Variants in DLC1 observed in about 807,000 individuals in gnomAD.
DLC1 encodes the protein rho GTPase-activating protein 7.
A neutral mutation model predicts 140.3 loss-of-function variants in DLC1; 54 were observed. The observed-to-expected ratio is 0.38, with a 90% confidence interval of 0.31 to 0.48. The LOEUF (loss-of-function observed/expected upper bound fraction) is 0.48, where lower values mean the gene tolerates loss of function less well. DLC1 is among the 20% of genes least tolerant of loss of function. The pLI is 0.96. For synonymous variants in DLC1, 986 were observed against 728.1 expected (o/e 1.35, Z -5.70); for missense variants, 2,536 against 1,907.0 (o/e 1.33, Z -6.14).
chr8:13,500,459 A>G, intron 1 of DLC1, among the ~76,000 whole-genome samples: 1 of 152,240 alleles, frequency 6.6e-6, no homozygotes, highest in Non-Finnish European at 1.5e-5. Context: ...GAATAAAGAT[A>G]CAAATACTGA....
chr8:13,279,040 A>G (rs1831271617), intron 5 of DLC1, among the ~76,000 whole-genome samples: 1 of 152,252 alleles, frequency 6.6e-6, no homozygotes, highest in South Asian at 2.1e-4. Context: ...TAATGACCAT[A>G]GTAACGACAG....
intron 2 of DLC1, among the ~76,000 whole-genome samples, chr8:13,438,794 C>A (rs1272256486): frequency 6.6e-6 from 1 of 152,162 alleles, no homozygotes; most frequent in Non-Finnish European, 1.5e-5. Context: ...CGCCTCCTTT[C>A]CATGATTACT....
chr8:13,193,605 C>T (rs750333949), intron 5 of DLC1, among the ~76,000 whole-genome samples: 1 of 152,034 alleles, frequency 6.6e-6, no homozygotes, highest in Non-Finnish European at 1.5e-5. Context: ...TGGTTGTTGC[C>T]TTCTGTTTTT....
intron 1 of DLC1, among the ~76,000 whole-genome samples, chr8:13,560,094 A>T (rs1804185866): frequency 6.6e-6 from 1 of 152,204 alleles, no homozygotes; most frequent in African/African-American, 2.4e-5. Context: ...ATTTAACATT[A>T]TTTGTTGTGA....
At chr8:13,151,271 C>T (rs10282996) in intron 5 of DLC1, among the ~76,000 whole-genome samples, 22,506 of 152,174 alleles carry the variant, frequency 0.15, 1,814 homozygotes, top group Non-Finnish European at 0.17. Flanking sequence ...ACACCAACAG[C>T]GAATTTTCAG....
rs748115915 is a variant in DLC1, at chr8:13,099,389, C to CTTTCCGGGATCTCGGAGGGCT, written c.2927_2947dup (p.Glu982_Arg983insLysProSerGluIleProGlu). 3.1e-6 allele frequency: 5 copies of CTTTCCGGGATCTCGGAGGGCT among 1,613,970 alleles called. No individual in the cohort carries two copies. The highest frequency in any genetic ancestry group is 3.3e-4 in the Middle Eastern group (2 of 6,084). ...GGAAGCCCCAACCCCAGAATCCCTT[C>CTTTCCGGGATCTCGGAGGGCT]TTTCCGGGATCTCGGAGGGCTCTTC... On this transcript the variant is annotated inframe_insertion, in exon 9 of 18. Transcript: ENST00000276297.
chr8:13,361,437 C>A (rs1835220632), intron 4 of DLC1, among the ~76,000 whole-genome samples: 1 of 151,200 alleles, frequency 6.6e-6, no homozygotes, highest in Admixed American at 6.6e-5. Flanking sequence ...TTTTTAATTT[C>A]TTTTTTATCT....
At chr8:13,390,446 T>G (rs182032993) in intron 4 of DLC1, among the ~76,000 whole-genome samples, 1 of 152,338 alleles carries the variant, frequency 6.6e-6, no homozygotes. Context: ...TACATGTACA[T>G]GTGTCTTTAT....
chr8:13,197,508 G>A (rs558956097), intron 5 of DLC1, among the ~76,000 whole-genome samples: 14 of 151,678 alleles, frequency 9.2e-5, no homozygotes, highest in South Asian at 6.3e-4. Context: ...CAACAAGCCC[G>A]GCTAATTTTT....
intron 1 of DLC1, chr8:13,536,110 C>T (rs1238456862): frequency 6.6e-6 from 1 of 152,104 alleles, no homozygotes; most frequent in African/African-American, 2.4e-5. Flanking sequence ...GATGGGAGAA[C>T]AGCAAAGAAT....
chr8:13,576,520 G>C (rs1429818171), intron 1 of DLC1, among the ~76,000 whole-genome samples: 2 of 152,166 alleles, frequency 1.3e-5, no homozygotes, highest in African/African-American at 4.8e-5. Flanking sequence ...ATCCTGAAAA[G>C]TTGTAAAAGT....
At chr8:13,563,166 C>G (rs1804302487) in intron 1 of DLC1, among the ~76,000 whole-genome samples, 1 of 151,988 alleles carries the variant, frequency 6.6e-6, no homozygotes, top group Non-Finnish European at 1.5e-5. Flanking sequence ...GAAGTAAAAC[C>G]TTTGAGGACT....
At chr8:13,443,541 C>T (rs543505837) in intron 2 of DLC1, among the ~76,000 whole-genome samples, 1 of 151,454 alleles carries the variant, frequency 6.6e-6, no homozygotes, top group Non-Finnish European at 1.5e-5. Context: ...TGCCTGTAGT[C>T]CCAGCTACTT....
chr8:13,522,934 G>A (rs921489066), intron 1 of DLC1, among the ~76,000 whole-genome samples: 11 of 152,240 alleles, frequency 7.2e-5, no homozygotes, highest in South Asian at 2.1e-4. Flanking sequence ...CTAAGGAAGC[G>A]TGTGCCTGGC....
intron 1 of DLC1, among the ~76,000 whole-genome samples, chr8:13,573,072 A>G (rs1804718907): frequency 6.6e-6 from 1 of 152,188 alleles, no homozygotes; most frequent in Non-Finnish European, 1.5e-5. Context: ...TAATATTGTC[A>G]TCACAACAAT....
chr8:13,376,231 T>A (rs1023544783), intron 4 of DLC1, among the ~76,000 whole-genome samples: 1 of 152,164 alleles, frequency 6.6e-6, no homozygotes, highest in African/African-American at 2.4e-5. Flanking sequence ...CATTGTCCAG[T>A]AAACACCATA....
Position 13,475,401 on chromosome 8 carries a change from A to T in DLC1, c.1023+23648T>A, listed in dbSNP as rs963963838. ...CTTCTGATTTTGAGGGCCCAGTAAA[A>T]GGCCATCTTTTATATTGGGTTTCTG... On this transcript the variant is annotated intron_variant, in intron 2 of 17. Transcript: ENST00000276297. 3.2e-4 allele frequency among the ~76,000 whole-genome samples: 48 copies of T among 152,304 alleles called. 1 individual carries two copies. In the Middle Eastern group the frequency reaches 0.014, roughly 43 times the overall value.
chr8:13,530,944 C>T (rs1313532678), intron 1 of DLC1, among the ~76,000 whole-genome samples: 1 of 151,956 alleles, frequency 6.6e-6, no homozygotes, highest in Admixed American at 6.6e-5. Flanking sequence ...AGCTTTAATC[C>T]CCAATGTGAT....
intron 5 of DLC1, among the ~76,000 whole-genome samples, chr8:13,156,628 AG>A (rs1456971959): frequency 6.6e-6 from 1 of 152,164 alleles, no homozygotes; most frequent in Non-Finnish European, 1.5e-5. Flanking sequence ...GGGGGAGGAA[AG>A]GGTGGGTGTC....
Sources: allele counts gnomAD v4.1 joint callset (sites outside exome capture counted in the v4.1 genomes callset), GRCh38; gene constraint gnomAD v4.1.1; transcripts MANE v1.5; gene names NCBI Gene and HGNC (gene_info 2026-07-23, HGNC 2026-07-21).